The following ACCS variants were observed in gnomAD, a reference collection of about 807,000 sequenced individuals.
ACCS encodes the protein 1-aminocyclopropane-1-carboxylate synthase-like protein 1.
In ACCS, 42 loss-of-function variants were observed where a neutral mutation model predicts 59.8. The observed-to-expected ratio is 0.70, with a 90% CI of 0.55 to 0.91. ACCS has a LOEUF of 0.91. ACCS is among the 40% of genes least tolerant of loss of function. The probability of loss-of-function intolerance (pLI) is 0.00; values close to 1 mark genes in which losing one functional copy is unlikely to be tolerated. For missense variants in ACCS, 602 were observed against 630.4 expected (o/e 0.95, Z 0.48); for synonymous variants, 230 against 240.3 (o/e 0.96, Z 0.40).
At chr11:44,078,521 C>A in intron 8 of ACCS, 163 bp from the exon 9 acceptor site, 1 of 573,096 alleles carries the variant, frequency 1.7e-6, no homozygotes. Flanking sequence ...TTATCTGATG[C>A]TGCAGATGTA....
intron 12 of ACCS, among the ~76,000 whole-genome samples, chr11:44,082,840 G>T (rs117106488): frequency 0.013 from 2,036 of 152,266 alleles, 20 homozygotes; most frequent in Non-Finnish European, 0.017. Context: ...ACCTTGGTCT[G>T]TGGGACTACA....
intron 6 of ACCS, among the ~76,000 whole-genome samples, chr11:44,076,371 C>T (rs1953361343): frequency 6.6e-6 from 1 of 152,186 alleles, no homozygotes; most frequent in Non-Finnish European, 1.5e-5. Context: ...TCATTTAATC[C>T]TCACAATACT....
chr11:44,072,738 A>T (rs1247201138), intron 3 of ACCS, among the ~76,000 whole-genome samples: 1 of 152,206 alleles, frequency 6.6e-6, no homozygotes, highest in African/African-American at 2.4e-5. Flanking sequence ...CTTAATTCAG[A>T]TGAACCACAT....
Position 44,067,646 on chromosome 11 carries a change from A to G in ACCS, c.19A>G (p.Lys7Glu). Residue 7 changes from lysine (K) to glutamate (E), a missense_variant, in exon 2 of 15, where the codon AAG becomes GAG. Coordinates refer to ENST00000263776, the MANE Select transcript of ACCS (RefSeq NM_032592.4). ...TTTGCAGATGTTCACCCTTCCTCAA[A>G]AGGACTTCAGGGCTCCCACCACCTG... Reference protein sequence around the residue: MFTLPQKDFRAPTTCLG... With the variant: MFTLPQEDFRAPTTCLG... 1 of 1,610,738 alleles carries G rather than the reference A, an allele frequency of 6.2e-7. No homozygotes were observed. Among genetic ancestry groups the G allele is most frequent in the Non-Finnish European group, 8.5e-7 (1 of 1,178,520 alleles).
Position 44,071,316 on chromosome 11 carries a change from G to A in ACCS, c.348+1G>A. On this transcript the variant is annotated splice_donor_variant, in intron 3 of 14. Coordinates refer to ENST00000263776, the MANE Select transcript of ACCS (RefSeq NM_032592.4). LOFTEE classifies it high-confidence loss of function. Reference sequence around the variant, plus strand: ...CTGCTTTGACCTGCTGTCCTGGCGGGTAAGTCCTAGGGCCCCTCTAGGGGG... The same window carrying A: ...CTGCTTTGACCTGCTGTCCTGGCGGATAAGTCCTAGGGCCCCTCTAGGGGG... 1 of 1,614,020 alleles carries A rather than the reference G, an allele frequency of 6.2e-7. No homozygotes were observed. The highest frequency in any genetic ancestry group is 1.3e-5 in the African/African-American group (1 of 75,030).
At chr11:44,078,564 G>A (rs1269474691) in intron 8 of ACCS, 120 bp from the exon 9 acceptor site, 4 of 712,392 alleles carry the variant, frequency 5.6e-6, no homozygotes, top group Non-Finnish European at 2.4e-6. Context: ...TTCATGTTGT[G>A]TTATGAACAT....
intron 12 of ACCS, 60 bp downstream of exon 12, chr11:44,081,380 A>G (rs958630560): frequency 5.6e-6 from 9 of 1,597,068 alleles, no homozygotes; most frequent in Admixed American, 3.4e-5. Flanking sequence ...GCCTGGGAAC[A>G]GCCAGGAATC....
chr11:44,071,182 T>C (rs991743671), intron 2 of ACCS, 74 bp from the exon 3 acceptor site: 10 of 1,532,772 alleles, frequency 6.5e-6, no homozygotes, highest in Middle Eastern at 3.4e-4. Context: ...CTTTGCTGCC[T>C]CCATGGGCTC....
chr11:44,080,833 C>T (rs774012998), intron 10 of ACCS, 187 bp from the exon 11 acceptor site: 51 of 646,462 alleles, frequency 7.9e-5, no homozygotes, highest in Non-Finnish European at 1.2e-4. Flanking sequence ...GTTTGGCCCG[C>T]GGGCTGTCAT....
At chr11:44,067,956 TGCA>T (rs1952868804) in intron 2 of ACCS, 41 bp downstream of exon 2, 1 of 1,552,876 alleles carries the variant, frequency 6.4e-7, no homozygotes, top group East Asian at 2.3e-5. Context: ...AAGAGAGAAC[TGCA>T]GGGTGGGGTA....
At chr11:44,079,293 C>T in intron 9 of ACCS, 1 of 504,730 alleles carries the variant, frequency 2.0e-6, no homozygotes, top group South Asian at 2.6e-5. Context: ...CATGGAGGTG[C>T]CCGGGAGATC....
intron 4 of ACCS, among the ~76,000 whole-genome samples, chr11:44,074,121 C>T (rs1953195698): frequency 6.6e-6 from 1 of 152,116 alleles, no homozygotes; most frequent in South Asian, 2.1e-4. Flanking sequence ...TGGACTTTGC[C>T]TCTTACCAGC....
At chr11:44,070,431 C>G (rs929013593) in intron 2 of ACCS, among the ~76,000 whole-genome samples, 20 of 152,154 alleles carry the variant, frequency 1.3e-4, no homozygotes, top group Non-Finnish European at 2.5e-4. Context: ...CAGATTGGCT[C>G]TGTTTCGAGG....
At position 44,068,505 on chromosome 11, in the gene ACCS, T is replaced by C. The variant is rs529898044; in HGVS notation, c.288+590T>C. 2.0e-5 allele frequency among the ~76,000 whole-genome samples: 3 copies of C among 152,168 alleles called. No homozygotes were observed. The East Asian group carries it at 5.8e-4, about 29-fold the overall frequency. On this transcript the variant is annotated intron_variant, in intron 2 of 14. Transcript: ENST00000263776. ...TTGTGGTCCCAGCTACTGGGGAGGC[T>C]GAGGTGGAAGGATTGCTTGAACCTG...
Position 44,077,377 on chromosome 11 carries a change from G to C in ACCS, c.654+1G>C. ...GGCCTATGTCTACCTGGACAGTGAGGTAAGAGTCTTGACTTCCTAGGTGGA... is the reference window on the plus strand; with the variant it reads ...GGCCTATGTCTACCTGGACAGTGAGCTAAGAGTCTTGACTTCCTAGGTGGA... On this transcript the variant is annotated splice_donor_variant, in intron 7 of 14. Coordinates refer to ENST00000263776, the MANE Select transcript of ACCS (RefSeq NM_032592.4). LOFTEE classifies it high-confidence loss of function. 1 of 1,613,952 alleles carries C rather than the reference G, an allele frequency of 6.2e-7. No individual in the cohort carries two copies. The highest frequency in any genetic ancestry group is 8.5e-7 in the Non-Finnish European group (1 of 1,179,904).
At chr11:44,079,647 C>A in intron 10 of ACCS, 27 bp downstream of exon 10, 1 of 1,581,950 alleles carries the variant, frequency 6.3e-7, no homozygotes, top group East Asian at 2.3e-5. Context: ...CAGCTAACTC[C>A]CCCAGTCCCT....
rs774967909 is a variant in ACCS at position 44,083,743 on chromosome 11, A to G, written c.1457A>G (p.Glu486Gly). 58 of 1,613,930 alleles carry G rather than the reference A, an allele frequency of 3.6e-5. No homozygotes were observed. Among genetic ancestry groups the G allele is most frequent in the Non-Finnish European group, 4.9e-5 (58 of 1,179,932 alleles). The change falls in exon 15 of 15, where the codon GAA (glutamate) becomes GGA (glycine). Residue 486 changes from glutamate to glycine, a missense_variant. Coordinates refer to ENST00000263776, the MANE Select transcript of ACCS (RefSeq NM_032592.4). ...QVLAGKSQVA[E>G]DPRPSQSQEP... ...CTTGCAGGCAAATCCCAAGTGGCAG[A>G]AGACCCCCGTCCCTCTCAGAGCCAG... is the stretch of plus-strand genomic sequence containing the variant.
intron 10 of ACCS, 134 bp from the exon 11 acceptor site, chr11:44,080,886 C>G: frequency 8.7e-7 from 1 of 1,150,140 alleles, no homozygotes; most frequent in Non-Finnish European, 1.3e-6. Context: ...ATGGGTGGTT[C>G]AAAGACATGA....
In ACCS at chr11:44,067,609, G is replaced by A; in HGVS notation, c.1-19G>A. ...ATGGAAATCCCTTGAGCAGGCCTGT[G>A]CGTTTTGTCTTTTTGCAGATGTTCA... On this transcript the variant is annotated intron_variant, in intron 1 of 14. Transcript: ENST00000263776. The A allele has an allele frequency of 6.3e-7, 1 of 1,587,796 alleles. No homozygotes were observed. Among genetic ancestry groups the A allele is most frequent in the Non-Finnish European group, 8.6e-7 (1 of 1,167,612 alleles).
Sources: gnomAD v4.1 joint callset for allele counts (sites outside exome capture counted in the v4.1 genomes callset) on GRCh38, gnomAD v4.1.1 for gene constraint, MANE v1.5 for transcripts, NCBI Gene and HGNC (gene_info 2026-07-23, HGNC 2026-07-21) for gene names.